MTHFD1L: variants seen among roughly 807,000 people sequenced by gnomAD.
MTHFD1L encodes methylenetetrahydrofolate dehydrogenase (NADP+ dependent) 1 like.
MTHFD1L carries 81 observed loss-of-function variants against 119.5 expected under a neutral mutation model. The ratio of observed to expected loss-of-function variants is 0.68; its 90% CI spans 0.57 to 0.82. The LOEUF (loss-of-function observed/expected upper bound fraction) is 0.82, where lower values mean the gene tolerates loss of function less well. MTHFD1L is among the 40% of genes least tolerant of loss of function. MTHFD1L has a pLI of 0.00. For synonymous variants in MTHFD1L, 430 were observed against 475.2 expected (o/e 0.90, Z 1.24); for missense variants, 1,125 against 1,253.4 (o/e 0.90, Z 1.55).
chr6:151,091,202 CGACTGGGTGCAGCATTGCCCCATGT>C (rs1562652117), intron 26 of MTHFD1L, among the ~76,000 whole-genome samples: 2 of 84,820 alleles, frequency 2.4e-5, no homozygotes, highest in African/African-American at 3.9e-5. Flanking sequence ...TCGTTCCATG[CGACTGGGTGCAGCATTGCCCCATGT>C]GACTGGGTGC....
intron 2 of MTHFD1L, among the ~76,000 whole-genome samples, chr6:150,876,414 T>C (rs902853086): frequency 6.6e-6 from 1 of 152,166 alleles, no homozygotes; most frequent in African/African-American, 2.4e-5. Flanking sequence ...GTCTAGGAGG[T>C]AAGCACTTAC....
intron 24 of MTHFD1L, among the ~76,000 whole-genome samples, chr6:151,027,933 G>A (rs941489255): frequency 1.3e-5 from 2 of 152,162 alleles, no homozygotes; most frequent in African/African-American, 2.4e-5. Flanking sequence ...TGTAGACAGT[G>A]CATTCTCTTC....
chr6:150,923,246 A>G (rs1194494557), intron 10 of MTHFD1L, among the ~76,000 whole-genome samples: 2 of 152,092 alleles, frequency 1.3e-5, no homozygotes, highest in Admixed American at 6.6e-5. Context: ...TACATATTCT[A>G]TCTATAAATT....
At chr6:151,072,085 T>C (rs1215388832) in intron 26 of MTHFD1L, among the ~76,000 whole-genome samples, 6 of 152,158 alleles carry the variant, frequency 3.9e-5, no homozygotes, top group Admixed American at 3.9e-4. Context: ...CACCTCAGCC[T>C]CCCAAAGTGC....
chr6:151,022,139 G>T, intron 24 of MTHFD1L: 2 of 459,038 alleles, frequency 4.4e-6, no homozygotes, highest in South Asian at 1.6e-5. Context: ...CGCTCTCACT[G>T]CCCAGATGGC....
At chr6:151,016,768 C>CTTTTTTTTT (rs757274955) in intron 24 of MTHFD1L, 12 of 217,754 alleles carry the variant, frequency 5.5e-5, no homozygotes, top group African/African-American at 1.2e-4. Flanking sequence ...CTATCTTAGC[C>CTTTTTTTTT]TTTTTTTTTT....
rs1325548198 is a variant in MTHFD1L at position 150,989,019 on chromosome 6, C to T, written c.2125+16961C>T. Among the ~76,000 whole-genome samples, 7 of 152,342 alleles carry T rather than the reference C, an allele frequency of 4.6e-5. No homozygotes were observed. The South Asian group carries it at 6.2e-4, about 14-fold the overall frequency. ...CTTCCCAAAGTGCTGGGATTACAGG[C>T]GTGAGCCACCACGCCTGGCCTATTA... On this transcript the variant is annotated intron_variant, in intron 20 of 27. Coordinates refer to ENST00000367321, the MANE Select transcript of MTHFD1L (RefSeq NM_015440.5).
chr6:151,075,169 T>A (rs900414432), intron 26 of MTHFD1L, among the ~76,000 whole-genome samples: 14 of 152,004 alleles, frequency 9.2e-5, no homozygotes, highest in African/African-American at 3.4e-4. Flanking sequence ...ATAATCACAC[T>A]AGATATAAAT....
chr6:151,092,495 G>T lies in MTHFD1L; in HGVS notation c.2876G>T (p.Arg959Leu). ...TMSTMPGLPTRPCFYDIDLDT... is the reference protein window; with the variant it reads ...TMSTMPGLPTLPCFYDIDLDT... ...AGCACCATGCCAGGACTGCCCACCCGGCCCTGCTTTTATGACATAGATCTT... is the reference window on the plus strand; with the variant it reads ...AGCACCATGCCAGGACTGCCCACCCTGCCCTGCTTTTATGACATAGATCTT... The change falls in exon 27 of 28, where the codon CGG becomes CTG. Residue 959 changes from arginine (R) to leucine (L), a missense_variant. Around this residue, in one of 3 missense-constraint regions of MTHFD1L, gnomAD observed 61 missense variants for 78.9 expected, o/e 0.77. Coordinates refer to ENST00000367321, the MANE Select transcript of MTHFD1L (RefSeq NM_015440.5). The T allele has an allele frequency of 6.2e-7, 1 of 1,614,026 alleles. No individual in the cohort carries two copies.
intron 20 of MTHFD1L, among the ~76,000 whole-genome samples, chr6:151,000,092 A>T (rs7755992): frequency 0.082 from 12,431 of 152,150 alleles, 1,721 homozygotes; most frequent in African/African-American, 0.28. Flanking sequence ...GTAATCCCAG[A>T]ATTTTGGGAA....
rs1778216409 is a variant in MTHFD1L, at chr6:150,865,926, G to A, written c.104G>A (p.Gly35Asp). ...LRVPCRASSGGGGGGGGGREG... is the reference protein window; with the variant it reads ...LRVPCRASSGDGGGGGGGREG... ...GTGCCCTGTCGCGCTAGCAGCGGCG[G>A]CGGCGGAGGCGGCGGCGGTGGCCGG... is the stretch of plus-strand genomic sequence containing the variant. Residue 35 changes from glycine to aspartate, a missense_variant, in exon 1 of 28, where the codon GGC becomes GAC. Transcript: ENST00000367321. The A allele has an allele frequency of 5.0e-6, 6 of 1,206,076 alleles. No homozygotes were observed. The East Asian group carries it at 2.1e-4, about 43-fold the overall frequency. 74.7% of individuals were successfully genotyped at this position (1,206,076 alleles called of 1,614,324 possible).
chr6:150,966,689 G>A (rs1797262285), intron 19 of MTHFD1L, among the ~76,000 whole-genome samples: 1 of 152,212 alleles, frequency 6.6e-6, no homozygotes, highest in African/African-American at 2.4e-5. Context: ...AGCTGGGCAT[G>A]GTGGCACGTG....
chr6:150,987,709 TAGCAGCATCA>T (rs1363192262), intron 20 of MTHFD1L, among the ~76,000 whole-genome samples: 4 of 152,212 alleles, frequency 2.6e-5, no homozygotes, highest in Admixed American at 2.0e-4. Flanking sequence ...TTTCATTCCA[TAGCAGCATCA>T]TACAGCCCTG....
At chr6:151,079,414 C>T (rs1792897172) in intron 26 of MTHFD1L, among the ~76,000 whole-genome samples, 1 of 151,898 alleles carries the variant, frequency 6.6e-6, no homozygotes, top group Non-Finnish European at 1.5e-5. Context: ...GGGGGCAGGG[C>T]AGTGGGGGGC....
intron 10 of MTHFD1L, 61 bp downstream of exon 10, chr6:150,922,363 G>T: frequency 7.4e-7 from 1 of 1,357,692 alleles, no homozygotes; most frequent in Non-Finnish European, 1.0e-6. Context: ...GCCCTAGTTA[G>T]TCATGGGGGA....
chr6:150,881,793 A>G (rs1781433113), intron 4 of MTHFD1L, among the ~76,000 whole-genome samples: 1 of 152,220 alleles, frequency 6.6e-6, no homozygotes, highest in Non-Finnish European at 1.5e-5. Context: ...GAACTGATAC[A>G]GAGTAAGTGC....
rs893343747 is a variant in MTHFD1L, at chr6:151,015,810, G to A, written c.2586+117G>A. The A allele has an allele frequency of 3.3e-5, 42 of 1,256,716 alleles. No individual in the cohort carries two copies. The Middle Eastern group carries it at 8.5e-4, about 25-fold the overall frequency. The allele number at this position is 1,256,716 out of a possible 1,614,324, so 77.8% of individuals were successfully genotyped here. On this transcript the variant is annotated intron_variant, in intron 24 of 27. Transcript: ENST00000367321. Reference sequence around the variant, plus strand: ...ACTAAAGATAGAAGAGTTTAGGCCCGGTGCAGTGGCTCACGCCTGTAATCC... The same window carrying A: ...ACTAAAGATAGAAGAGTTTAGGCCCAGTGCAGTGGCTCACGCCTGTAATCC...
At chr6:150,985,490 G>A (rs1166211680) in intron 20 of MTHFD1L, among the ~76,000 whole-genome samples, 1 of 151,810 alleles carries the variant, frequency 6.6e-6, no homozygotes, top group African/African-American at 2.4e-5. Context: ...GATGAAACCT[G>A]TCTCTACTAA....
intron 20 of MTHFD1L, among the ~76,000 whole-genome samples, chr6:151,002,767 G>A (rs900132065): frequency 6.6e-5 from 10 of 152,218 alleles, no homozygotes; most frequent in African/African-American, 2.4e-4. Context: ...TGCCTAGCAT[G>A]TAGTGCATTC....
Sources: gnomAD v4.1 joint callset for allele counts (sites outside exome capture counted in the v4.1 genomes callset) on GRCh38, gnomAD v4.1.1 for gene constraint, gnomAD v4.1.1 regional missense constraint, MANE v1.5 for transcripts, NCBI Gene and HGNC (gene_info 2026-07-23, HGNC 2026-07-21) for gene names.